The following DLGAP3 variants were observed in gnomAD, a reference collection of about 807,000 sequenced individuals.
DLGAP3 encodes disks large-associated protein 3.
DLGAP3 carries 17 observed loss-of-function variants against 81.2 expected under a neutral mutation model. The observed-to-expected ratio is 0.21, with a 90% CI of 0.14 to 0.31. The LOEUF is 0.31. Among genes scored for constraint, DLGAP3 ranks in the 10% least tolerant of loss-of-function variants. The pLI is 1.00. For missense variants in DLGAP3, 1,124 were observed against 1,388.0 expected (o/e 0.81, Z 3.02); for synonymous variants, 577 against 587.4 (o/e 0.98, Z 0.26).
In DLGAP3 at chr1:34,868,803, T is replaced by C; in HGVS notation, c.2287A>G (p.Thr763Ala). ...CGGCGGCCGGCCCCAGGGCCGGGGG[T>C]GGGGGCGGGGGCAGGGCCGGGCGAC... Reference protein sequence around the residue: ...DGSPGPAPAPTPGPGAGRRDS... With the variant: ...DGSPGPAPAPAPGPGAGRRDS... The change falls in exon 9 of 12, where the codon ACC becomes GCC. Residue 763 changes from threonine to alanine, a missense_variant. Thr to Ala is a moderately conservative substitution (Grantham distance 58, BLOSUM62 0). Around this residue, in one of 9 missense-constraint regions of DLGAP3, gnomAD observed 379 missense variants for 455.7 expected, o/e 0.83. Transcript: ENST00000373347. This position sits in a 1 kb window ranked among gnomAD's most constrained non-coding sequence, Gnocchi z 7.5. The C allele has an allele frequency of 6.4e-7, 1 of 1,562,818 alleles. No homozygotes were observed. The highest frequency in any genetic ancestry group is 1.1e-5 in the South Asian group (1 of 87,672).
chr1:34,912,182 A>T (rs933411396), intron 1 of DLGAP3, among the ~76,000 whole-genome samples: 6 of 152,226 alleles, frequency 3.9e-5, no homozygotes, highest in Non-Finnish European at 7.3e-5. Context: ...CATGATAAAG[A>T]CTCACTAACG....
At chr1:34,913,008 G>T (rs1263249710) in intron 1 of DLGAP3, among the ~76,000 whole-genome samples, 1 of 152,076 alleles carries the variant, frequency 6.6e-6, no homozygotes, top group Non-Finnish European at 1.5e-5. Flanking sequence ...CTAGTCCCTG[G>T]CCTCCCTCAA....
At chr1:34,911,671 A>G (rs1639642911) in intron 1 of DLGAP3, among the ~76,000 whole-genome samples, 1 of 152,158 alleles carries the variant, frequency 6.6e-6, no homozygotes, top group African/African-American at 2.4e-5. Flanking sequence ...CCAAGAAATT[A>G]CCCAATTTAG....
Position 34,904,469 on chromosome 1 carries a change from C to T in DLGAP3, c.915G>A (p.Ser305=), listed in dbSNP as rs781101151. 50 of 1,614,036 alleles carry T rather than the reference C, an allele frequency of 3.1e-5. No homozygotes were observed. The highest frequency in any genetic ancestry group is 6.6e-5 in the South Asian group (6 of 91,094). ...SYRDLSFKGR[S]GGSEGRCLAC... is the part of the protein sequence containing the mutation. ...CAAGGCAGCGGCCTTCCGACCCGCC[C>T]GAGCGCCCCTTGAAGCTCAAGTCCC... Residue 305 remains serine (S), a synonymous_variant, in exon 3 of 12, where the codon TCG becomes TCA. Transcript: ENST00000373347. The surrounding 1 kb of genome is among the most constrained non-coding windows in gnomAD (Gnocchi z 8.1).
At chr1:34,899,862 C>T in intron 4 of DLGAP3, 121 bp from the exon 5 acceptor site, 2 of 1,031,234 alleles carry the variant, frequency 1.9e-6, no homozygotes, top group Non-Finnish European at 3.0e-6. Context: ...AGAGAGATCC[C>T]TTAGGAGACC....
chr1:34,889,701 G>T (rs1475568602), intron 5 of DLGAP3, among the ~76,000 whole-genome samples: 1 of 152,240 alleles, frequency 6.6e-6, no homozygotes, highest in Admixed American at 6.5e-5. Flanking sequence ...ATAACCTTTA[G>T]AAAACTCTCC....
intron 1 of DLGAP3, among the ~76,000 whole-genome samples, chr1:34,912,964 C>T (rs2148416530): frequency 6.6e-6 from 1 of 152,310 alleles, no homozygotes; most frequent in African/African-American, 2.4e-5. Flanking sequence ...TGCCCAGATG[C>T]CTGTGGCAGG....
rs1367679911 is a variant in DLGAP3, at chr1:34,904,255, C to G, written c.1107+22G>C. On this transcript the variant is annotated intron_variant, in intron 3 of 11. Coordinates refer to ENST00000373347, the MANE Select transcript of DLGAP3 (RefSeq NM_001080418.3). The surrounding 1 kb of genome is among the most constrained non-coding windows in gnomAD (Gnocchi z 8.1). ...CTGGTGAAGGCTAAGGACTCTGTTCCCCAACCCCAAAAAAGCCTCACCTGC... is the reference window on the plus strand; with the variant it reads ...CTGGTGAAGGCTAAGGACTCTGTTCGCCAACCCCAAAAAAGCCTCACCTGC... The G allele has an allele frequency of 6.2e-7, 1 of 1,600,536 alleles. No individual in the cohort carries two copies. Among genetic ancestry groups the G allele is most frequent in the African/African-American group, 1.3e-5 (1 of 75,050 alleles).
intron 1 of DLGAP3, among the ~76,000 whole-genome samples, chr1:34,912,687 T>TAAGCCATGTGTGATAAGCCTGTGATAAG (rs1557498197): frequency 5.9e-5 from 9 of 152,184 alleles, no homozygotes; most frequent in African/African-American, 1.9e-4. Flanking sequence ...GCCATGTGTG[T>TAAGCCATGTGTGATAAGCCTGTGATAAG]CCCTGGGATC....
rs752231831 is a variant in DLGAP3, at chr1:34,866,308, G to A, written c.2722-7C>T. 7 of 1,511,414 alleles carry A rather than the reference G, an allele frequency of 4.6e-6. No homozygotes were observed. The highest frequency in any genetic ancestry group is 3.6e-5 in the South Asian group (3 of 82,562). The allele number at this position is 1,511,414 out of a possible 1,614,324, so 93.6% of individuals were successfully genotyped here. A position where few individuals can be genotyped will look rare whatever the true frequency, so the allele number is the denominator to read the frequency against. On this transcript the variant is annotated splice_polypyrimidine_tract_variant and splice_region_variant and intron_variant, in intron 11 of 11. Transcript: ENST00000373347. Reference sequence around the variant, plus strand: ...GAGGGACCTTCTTCTCCTCCTGCGGGGCAGAGGGCGTCGCTGAGCTGGGGC... The same window carrying A: ...GAGGGACCTTCTTCTCCTCCTGCGGAGCAGAGGGCGTCGCTGAGCTGGGGC...
At chr1:34,927,594 C>T (rs1297371069) in intron 1 of DLGAP3, among the ~76,000 whole-genome samples, 1 of 152,088 alleles carries the variant, frequency 6.6e-6, no homozygotes, top group East Asian at 1.9e-4. Context: ...TGTTCATGTT[C>T]CTTTTAGAAA....
intron 8 of DLGAP3, among the ~76,000 whole-genome samples, chr1:34,874,850 G>A (rs924804141): frequency 6.6e-6 from 1 of 152,006 alleles, no homozygotes; most frequent in Non-Finnish European, 1.5e-5. Context: ...CAGGGAGGGG[G>A]AAGGACGGTG....
intron 4 of DLGAP3, 84 bp from the exon 5 acceptor site, chr1:34,899,825 G>A (rs1639428079): frequency 3.8e-6 from 5 of 1,317,018 alleles, no homozygotes; most frequent in African/African-American, 1.4e-5. Flanking sequence ...GGGCCCCTGA[G>A]TAAGTCCTAT....
intron 1 of DLGAP3, among the ~76,000 whole-genome samples, chr1:34,927,828 T>C (rs1639898387): frequency 6.6e-6 from 1 of 152,172 alleles, no homozygotes; most frequent in Admixed American, 6.5e-5. Flanking sequence ...TACCACTCTC[T>C]AACCTTGGCC....
Position 34,868,785 on chromosome 1 carries a change from C to T in DLGAP3, c.2305G>A (p.Gly769Ser), listed in dbSNP as rs753276072. Residue 769 changes from glycine to serine, a missense_variant, in exon 9 of 12, where the codon GGC becomes AGC. Transcript: ENST00000373347. This position sits in a 1 kb window ranked among gnomAD's most constrained non-coding sequence, Gnocchi z 7.5. ...APAPTPGPGA[G>S]RRDSWIERGS... is the part of the protein sequence containing the mutation. ...CGCTCTATCCAGGAGTCACGGCGGC[C>T]GGCCCCAGGGCCGGGGGTGGGGGCG... 18 of 1,586,936 alleles carry T rather than the reference C, an allele frequency of 1.1e-5. No individual in the cohort carries two copies. Among genetic ancestry groups the T allele is most frequent in the East Asian group, 2.3e-5 (1 of 44,370 alleles).
chr1:34,868,090 GATTCT>G lies in DLGAP3; in HGVS notation c.2486-468_2486-464del, dbSNP rs1638914455. Among the ~76,000 whole-genome samples, 1 of 152,208 alleles carries G rather than the reference GATTCT, an allele frequency of 6.6e-6. No individual in the cohort carries two copies. Among genetic ancestry groups the G allele is most frequent in the African/African-American group, 2.4e-5 (1 of 41,450 alleles). On this transcript the variant is annotated intron_variant, in intron 9 of 11. Coordinates refer to ENST00000373347, the MANE Select transcript of DLGAP3 (RefSeq NM_001080418.3). The surrounding 1 kb of genome is among the most constrained non-coding windows in gnomAD (Gnocchi z 7.5). ...ATAGCCACTGTCCCCTCAACTCAGA[GATTCT>G]GGGGTAAGACTGTGTCTCCCAGTGG...
At position 34,902,240 on chromosome 1, in the gene DLGAP3, G is replaced by A. The variant is rs144237482; in HGVS notation, c.1108-1967C>T. Among the ~76,000 whole-genome samples the A allele has an allele frequency of 8.5e-3, 1,295 of 152,252 alleles. 8 individuals are homozygous for A. The highest frequency in any genetic ancestry group is 0.014 in the Non-Finnish European group (929 of 67,994). ...GGGTAGGGATGGGAGCTCCAAAAGG[G>A]GTAACGCCTCAGGGACAGCATAGGG... On this transcript the variant is annotated intron_variant, in intron 3 of 11. Coordinates refer to ENST00000373347, the MANE Select transcript of DLGAP3 (RefSeq NM_001080418.3). The surrounding 1 kb of genome is among the most constrained non-coding windows in gnomAD (Gnocchi z 4.4).
chr1:34,911,027 C>CCCCA (rs1639632427), intron 1 of DLGAP3, among the ~76,000 whole-genome samples: 2 of 150,232 alleles, frequency 1.3e-5, no homozygotes, highest in African/African-American at 4.9e-5. Flanking sequence ...TATCCACCCC[C>CCCCA]CCCCCACCAC....
chr1:34,924,572 C>T (rs1489381946), intron 1 of DLGAP3, among the ~76,000 whole-genome samples: 3 of 152,158 alleles, frequency 2.0e-5, no homozygotes, highest in Admixed American at 6.5e-5. Flanking sequence ...ACCAGGAAGA[C>T]CGGCGTTCTC....
Sources: gnomAD v4.1 joint callset for allele counts (sites outside exome capture counted in the v4.1 genomes callset) on GRCh38, gnomAD v4.1.1 for gene constraint, gnomAD v4.1.1 regional missense constraint, Gnocchi (gnomAD v3.1) non-coding constraint, MANE v1.5 for transcripts, NCBI Gene and HGNC (gene_info 2026-07-23, HGNC 2026-07-21) for gene names.